The following SLC2A12 variants were observed in gnomAD, a reference collection of about 807,000 sequenced individuals.
SLC2A12 encodes the protein solute carrier family 2 member 12, also known as solute carrier family 2, facilitated glucose transporter member 12.
In SLC2A12, 23 loss-of-function variants were observed where a neutral mutation model predicts 41.8. The observed-to-expected ratio is 0.55, with a 90% CI of 0.40 to 0.78. The LOEUF is 0.78. Ranked by LOEUF, SLC2A12 falls within the 30% of genes least tolerant of loss-of-function variation. SLC2A12 has a pLI of 0.00. For synonymous variants in SLC2A12, 295 were observed against 285.9 expected (o/e 1.03, Z -0.32); for missense variants, 654 against 745.6 (o/e 0.88, Z 1.43).
intron 1 of SLC2A12, among the ~76,000 whole-genome samples, chr6:134,040,604 G>A (rs909914716): frequency 6.6e-6 from 1 of 152,226 alleles, no homozygotes; most frequent in Non-Finnish European, 1.5e-5. Context: ...TGTGCAAGGT[G>A]GCTGCCGCAG....
At position 134,029,873 on chromosome 6, in the gene SLC2A12, A is replaced by G. The variant is rs192829221; in HGVS notation, c.104-152T>C. ...TGATAAAATAATACACTAACCAAAA[A>G]ATGATTTGATATAGAAGGAGAAATC... On this transcript the variant is annotated intron_variant, in intron 1 of 4. Coordinates refer to ENST00000275230, the MANE Select transcript of SLC2A12 (RefSeq NM_145176.3). The G allele has an allele frequency of 5.9e-4, 609 of 1,031,834 alleles. 2 individuals are homozygous for G. Among genetic ancestry groups the G allele is most frequent in the Admixed American group, 1.1e-3 (35 of 32,420 alleles). 63.9% of individuals were successfully genotyped at this position (1,031,834 alleles called of 1,614,324 possible).
intron 4 of SLC2A12, among the ~76,000 whole-genome samples, chr6:133,994,698 C>T (rs189659463): frequency 3.4e-4 from 52 of 152,136 alleles, no homozygotes; most frequent in Non-Finnish European, 5.4e-4. Flanking sequence ...CCAACCTGGG[C>T]GACAGAGCGA....
chr6:134,006,176 G>GAAAAAAAAAAAAAAAAAAA (rs1182572567), intron 3 of SLC2A12, among the ~76,000 whole-genome samples: 3 of 61,784 alleles, frequency 4.9e-5, no homozygotes, highest in Admixed American at 4.4e-4. Flanking sequence ...GAGACTATCG[G>GAAAAAAAAAAAAAAAAAAA]AAAAAAAAAA....
Position 134,036,168 on chromosome 6 carries a change from CT to C in SLC2A12, c.104-6448del, listed in dbSNP as rs563979768. On this transcript the variant is annotated intron_variant, in intron 1 of 4. Coordinates refer to ENST00000275230, the MANE Select transcript of SLC2A12 (RefSeq NM_145176.3). Reference sequence around the variant, plus strand: ...AAAAGCATGCACACACAGGTGGTTTCTTTTTTTCTTTTTTTGGCAGGCAGCC... The same window carrying C: ...AAAAGCATGCACACACAGGTGGTTTCTTTTTTCTTTTTTTGGCAGGCAGCC... 1.1e-3 allele frequency among the ~76,000 whole-genome samples: 165 copies of C among 152,276 alleles called. 1 individual carries two copies. Among genetic ancestry groups the C allele is most frequent in the African/African-American group, 3.1e-3 (128 of 41,568 alleles).
intron 2 of SLC2A12, among the ~76,000 whole-genome samples, chr6:134,022,020 A>G (rs1296997200): frequency 6.6e-6 from 1 of 152,172 alleles, no homozygotes; most frequent in Non-Finnish European, 1.5e-5. Context: ...TGTGGAGTCT[A>G]TGGTGGCCCT....
At chr6:134,005,000 C>T (rs1417221907) in intron 3 of SLC2A12, among the ~76,000 whole-genome samples, 1 of 152,232 alleles carries the variant, frequency 6.6e-6, no homozygotes, top group African/African-American at 2.4e-5. Flanking sequence ...AAGCCTCTAT[C>T]GTTTTTAAAA....
intron 3 of SLC2A12, among the ~76,000 whole-genome samples, chr6:134,005,431 G>A (rs1390317525): frequency 1.3e-5 from 2 of 151,880 alleles, no homozygotes; most frequent in Admixed American, 6.6e-5. Context: ...GGCTGAGGCA[G>A]GTGGATCACG....
At chr6:133,997,991 AGT>A (rs896766487) in intron 4 of SLC2A12, among the ~76,000 whole-genome samples, 1 of 152,188 alleles carries the variant, frequency 6.6e-6, no homozygotes, top group African/African-American at 2.4e-5. Flanking sequence ...GTTCTCCTAT[AGT>A]CTGTTTAGAG....
rs528940144 is a variant in SLC2A12 at position 134,042,461 on chromosome 6, G to A, written c.103+9917C>T. Among the ~76,000 whole-genome samples the A allele has an allele frequency of 1.1e-4, 16 of 151,318 alleles. No homozygotes were observed. The South Asian group carries it at 2.7e-3, about 26-fold the overall frequency. ...AGAGAAAAGGCTAAAGTGCTCTATC[G>A]AATACAAAGGAGGGATTTTGATGAG... is the stretch of plus-strand genomic sequence containing the variant. On this transcript the variant is annotated intron_variant, in intron 1 of 4. Coordinates refer to ENST00000275230, the MANE Select transcript of SLC2A12 (RefSeq NM_145176.3).
chr6:134,052,388 G>GGTT lies in SLC2A12; in HGVS notation c.92_93insAAC (p.Pro31_Trp32insThr). The GGTT allele has an allele frequency of 6.2e-7, 1 of 1,612,516 alleles. No individual in the cohort carries two copies. Reference sequence around the variant, plus strand: ...GCAGGCTCACTTTACCTCTCGCCCAGGGAGGATGCCGGCTGCCGCTGCCCT... The same window carrying GGTT: ...GCAGGCTCACTTTACCTCTCGCCCAGGTTGGAGGATGCCGGCTGCCGCTGCCCT... On this transcript the variant is annotated inframe_insertion, in exon 1 of 5. Transcript: ENST00000275230.
At chr6:134,050,908 C>A (rs919215884) in intron 1 of SLC2A12, among the ~76,000 whole-genome samples, 2 of 151,808 alleles carry the variant, frequency 1.3e-5, no homozygotes, top group Non-Finnish European at 2.9e-5. Context: ...TGAAAGATGA[C>A]CCCAGATATT....
At chr6:134,037,469 C>G (rs952964085) in intron 1 of SLC2A12, among the ~76,000 whole-genome samples, 40 of 152,100 alleles carry the variant, frequency 2.6e-4, no homozygotes, top group African/African-American at 9.7e-4. Flanking sequence ...ATTCTCCTGC[C>G]TCAGCGTCCG....
In SLC2A12 at chr6:133,989,371, T is replaced by A. The variant is rs536428806; in HGVS notation, c.*1784A>T. 2.0e-5 allele frequency: 3 copies of A among 152,164 alleles called. No individual in the cohort carries two copies. The South Asian group carries it at 6.2e-4, about 32-fold the overall frequency. 9.4% of individuals were successfully genotyped at this position (152,164 alleles called of 1,614,324 possible). A position where few individuals can be genotyped will look rare whatever the true frequency, so the allele number is the denominator to read the frequency against. The stretch of plus-strand genomic sequence containing the variant: ...ATAAAAGAAAAATATAAAAGAATGC[T>A]CAAGATACTGAAGTCAAGGTCACTA... On this transcript the variant is annotated 3_prime_UTR_variant, in exon 5 of 5. Coordinates refer to ENST00000275230, the MANE Select transcript of SLC2A12 (RefSeq NM_145176.3).
chr6:134,021,929 G>T (rs558227842), intron 2 of SLC2A12, among the ~76,000 whole-genome samples: 121 of 152,312 alleles, frequency 7.9e-4, no homozygotes, highest in Non-Finnish European at 1.3e-3. Context: ...CTTGGGTGTG[G>T]AGCAGTGGGG....
At chr6:134,045,730 C>G (rs540158933) in intron 1 of SLC2A12, among the ~76,000 whole-genome samples, 1 of 152,122 alleles carries the variant, frequency 6.6e-6, no homozygotes, top group Non-Finnish European at 1.5e-5. Context: ...GTAGTAGAAC[C>G]ACTTGGCCCA....
intron 4 of SLC2A12, among the ~76,000 whole-genome samples, chr6:134,001,592 G>C (rs1428307647): frequency 6.6e-6 from 1 of 152,028 alleles, no homozygotes; most frequent in Non-Finnish European, 1.5e-5. Context: ...GTACATATTG[G>C]TTGGTCATAG....
chr6:134,033,682 T>A (rs984345342), intron 1 of SLC2A12, among the ~76,000 whole-genome samples: 1 of 152,160 alleles, frequency 6.6e-6, no homozygotes, highest in Non-Finnish European at 1.5e-5. Context: ...ATCAATGCCA[T>A]AACTGCTTTA....
chr6:134,032,213 G>A (rs1314835727), intron 1 of SLC2A12, among the ~76,000 whole-genome samples: 1 of 151,304 alleles, frequency 6.6e-6, no homozygotes, highest in Non-Finnish European at 1.5e-5. Flanking sequence ...CAAAAATAAG[G>A]GGAAAAAAGC....
At chr6:133,998,594 G>A (rs1053590518) in intron 4 of SLC2A12, among the ~76,000 whole-genome samples, 7 of 152,222 alleles carry the variant, frequency 4.6e-5, no homozygotes, top group Non-Finnish European at 1.0e-4. Context: ...CAGGCTGAAT[G>A]CAGTGGTGCA....
Sources: gnomAD v4.1 joint callset for allele counts (sites outside exome capture counted in the v4.1 genomes callset) on GRCh38, gnomAD v4.1.1 for gene constraint, MANE v1.5 for transcripts, NCBI Gene and HGNC (gene_info 2026-07-23, HGNC 2026-07-21) for gene names.